MYBPC1: variants seen among roughly 807,000 people sequenced by gnomAD.
The protein encoded by MYBPC1 is myosin-binding protein C, slow-type.
Under a neutral mutation model 147.1 loss-of-function variants are expected in MYBPC1, and 52 were observed. The observed-to-expected ratio is 0.35, with a 90% CI of 0.28 to 0.45. The LOEUF (loss-of-function observed/expected upper bound fraction) is 0.45, where lower values mean the gene tolerates loss of function less well. Among genes scored for constraint, MYBPC1 ranks in the 20% least tolerant of loss-of-function variants. MYBPC1 has a pLI of 1.00. For missense variants in MYBPC1, 1,228 were observed against 1,440.3 expected (o/e 0.85, Z 2.39); for synonymous variants, 477 against 475.9 (o/e 1.00, Z -0.03).
In MYBPC1 at chr12:101,614,495, GA is replaced by G. The variant is rs1353882509; in HGVS notation, c.29del (p.Asn10MetfsTer85). The G allele has an allele frequency of 6.2e-7, 1 of 1,613,828 alleles. No homozygotes were observed. Among genetic ancestry groups the G allele is most frequent in the South Asian group, 1.1e-5 (1 of 91,052 alleles). On this transcript the variant is annotated frameshift_variant and splice_region_variant, in exon 2 of 32. Coordinates refer to ENST00000361466, the MANE Select transcript of MYBPC1 (RefSeq NM_002465.4). LOFTEE classifies it high-confidence loss of function. MPEPTKKEENEVPAPAPPP... is the reference protein window; with the variant it reads MPEPTKKEXNEVPAPAPPP... Reference sequence around the variant, plus strand: ...ATTTCCATGACTCTTTCCATTTCTAGAAAATGAAGTGCCAGCCCCAGCCCCA... The same window carrying G: ...ATTTCCATGACTCTTTCCATTTCTAGAAATGAAGTGCCAGCCCCAGCCCCA...
intron 18 of MYBPC1, among the ~76,000 whole-genome samples, chr12:101,657,212 G>C (rs1895690785): frequency 6.6e-6 from 1 of 152,046 alleles, no homozygotes; most frequent in Non-Finnish European, 1.5e-5. Context: ...CAAAAGCAGT[G>C]CTTAAAGGGA....
chr12:101,685,125 T>A (rs1381965261), intron 31 of MYBPC1, among the ~76,000 whole-genome samples: 2 of 152,220 alleles, frequency 1.3e-5, no homozygotes, highest in Non-Finnish European at 2.9e-5. Context: ...GTAGTTTTTA[T>A]CTTTTCTAAT....
chr12:101,608,056 G>C (rs1391232863), intron 1 of MYBPC1, among the ~76,000 whole-genome samples: 1 of 152,180 alleles, frequency 6.6e-6, no homozygotes, highest in African/African-American at 2.4e-5. Context: ...GAATGCCTTG[G>C]CACAGGCTGT....
intron 22 of MYBPC1, chr12:101,666,890 TACATACAC>T (rs1224698582): frequency 6.5e-6 from 3 of 462,840 alleles, no homozygotes; most frequent in Non-Finnish European, 8.0e-6. Context: ...ACTCATCACA[TACATACAC>T]ACACACACAC....
At chr12:101,664,927 A>G (rs1593991930) in intron 22 of MYBPC1, among the ~76,000 whole-genome samples, 1 of 151,704 alleles carries the variant, frequency 6.6e-6, no homozygotes, top group Non-Finnish European at 1.5e-5. Context: ...AGTCATGAGC[A>G]CTCCATTCTG....
intron 26 of MYBPC1, among the ~76,000 whole-genome samples, chr12:101,676,454 A>T (rs1900008585): frequency 6.6e-6 from 1 of 152,230 alleles, no homozygotes; most frequent in South Asian, 2.1e-4. Flanking sequence ...GAAAAAACAG[A>T]ACCAAAGTTA....
the MYBPC1 span, among the ~76,000 whole-genome samples, chr12:101,695,350 G>A: frequency 6.6e-6 from 1 of 152,212 alleles, no homozygotes; most frequent in African/African-American, 2.4e-5. Context: ...AAGAGATGAT[G>A]TAAGTCCTGA....
intron 14 of MYBPC1, among the ~76,000 whole-genome samples, 179 bp from the exon 15 acceptor site, chr12:101,649,081 C>T (rs1175470809): frequency 2.0e-5 from 3 of 152,166 alleles, no homozygotes; most frequent in Non-Finnish European, 4.4e-5. Flanking sequence ...ATATTTGTTA[C>T]ATTATGAATC....
intron 12 of MYBPC1, among the ~76,000 whole-genome samples, chr12:101,646,192 T>C (rs1047894186): frequency 6.6e-6 from 1 of 152,304 alleles, no homozygotes; most frequent in East Asian, 1.9e-4. Context: ...GAGTACTGAT[T>C]TTTATTTGAA....
intron 29 of MYBPC1, among the ~76,000 whole-genome samples, chr12:101,682,097 A>T (rs779826079): frequency 5.3e-5 from 8 of 152,168 alleles, no homozygotes; most frequent in African/African-American, 7.2e-5. Flanking sequence ...TTGGCTTTAA[A>T]TGATTAAGTT....
chr12:101,677,013 T>C lies in MYBPC1; in HGVS notation c.2950-222T>C, dbSNP rs147644883. ...ATGAATCTAATGTGTAAATGAAGATTAAATTACATAGTCAATTGCAAATAA... is the reference window on the plus strand; with the variant it reads ...ATGAATCTAATGTGTAAATGAAGATCAAATTACATAGTCAATTGCAAATAA... On this transcript the variant is annotated intron_variant, in intron 26 of 31. Coordinates refer to ENST00000361466, the MANE Select transcript of MYBPC1 (RefSeq NM_002465.4). 8.5e-5 allele frequency among the ~76,000 whole-genome samples: 13 copies of C among 152,336 alleles called. No homozygotes were observed. The East Asian group carries it at 2.3e-3, about 27-fold the overall frequency.
chr12:101,675,061 G>A (rs561984892), intron 25 of MYBPC1, among the ~76,000 whole-genome samples: 3 of 151,948 alleles, frequency 2.0e-5, no homozygotes, highest in Non-Finnish European at 2.9e-5. Flanking sequence ...TGGCTAATCC[G>A]TTTTGAGTTT....
intron 24 of MYBPC1, among the ~76,000 whole-genome samples, chr12:101,671,333 A>ACT (rs552950220): frequency 0.02 from 2,717 of 133,114 alleles, 70 homozygotes; most frequent in East Asian, 0.085. Flanking sequence ...ACACACACAC[A>ACT]CACACTCACA....
chr12:101,684,462 A>G (rs767663617), intron 31 of MYBPC1, 38 bp downstream of exon 31: 89 of 1,487,966 alleles, frequency 6.0e-5, no homozygotes, highest in Non-Finnish European at 7.4e-5. Context: ...GAAGCTTATG[A>G]CTGTCATAAG....
At chr12:101,607,761 C>G (rs139313617) in intron 1 of MYBPC1, among the ~76,000 whole-genome samples, 8 of 152,060 alleles carry the variant, frequency 5.3e-5, no homozygotes, top group Admixed American at 3.9e-4. Flanking sequence ...AGACAGCCCA[C>G]GGGAAGAAGA....
the MYBPC1 span, among the ~76,000 whole-genome samples, chr12:101,693,425 C>T: frequency 6.6e-6 from 1 of 152,174 alleles, no homozygotes; most frequent in African/African-American, 2.4e-5. Flanking sequence ...ACAATACCCA[C>T]TCTCTCACTT....
In MYBPC1 at chr12:101,614,807, C is replaced by T. The variant is rs948043430; in HGVS notation, c.61+276C>T. The T allele has an allele frequency of 1.1e-4, 55 of 500,156 alleles. No homozygotes were observed. In the East Asian group the frequency reaches 1.7e-3, roughly 15 times the overall value. 31.0% of individuals were successfully genotyped at this position (500,156 alleles called of 1,614,324 possible). ...CAAATTATGTAAAAGTTATTATGTCCGCATTTTACAGTGTGGAGGCTGAGC... is the reference window on the plus strand; with the variant it reads ...CAAATTATGTAAAAGTTATTATGTCTGCATTTTACAGTGTGGAGGCTGAGC... On this transcript the variant is annotated intron_variant, in intron 2 of 31. Coordinates refer to ENST00000361466, the MANE Select transcript of MYBPC1 (RefSeq NM_002465.4).
chr12:101,669,903 C>A, intron 23 of MYBPC1: 2 of 313,476 alleles, frequency 6.4e-6, no homozygotes, highest in Non-Finnish European at 5.8e-6. Context: ...TGCACTCCAG[C>A]CTGGGCGACA....
intron 28 of MYBPC1, among the ~76,000 whole-genome samples, chr12:101,679,852 A>C (rs1389900161): frequency 6.6e-6 from 1 of 152,232 alleles, no homozygotes; most frequent in Non-Finnish European, 1.5e-5. Flanking sequence ...ATGAGTTAAC[A>C]ACATGGACCT....
Sources: allele counts gnomAD v4.1 joint callset (sites outside exome capture counted in the v4.1 genomes callset), GRCh38; gene constraint gnomAD v4.1.1; transcripts MANE v1.5; gene names NCBI Gene and HGNC (gene_info 2026-07-23, HGNC 2026-07-21).